STARD13: variants seen among roughly 807,000 people sequenced by gnomAD.
STARD13 encodes the protein stAR-related lipid transfer protein 13.
A neutral mutation model predicts 106.4 loss-of-function variants in STARD13; 62 were observed. That is an observed-to-expected ratio of 0.58 (90% CI 0.48 to 0.72). STARD13 has a LOEUF of 0.72. STARD13 is among the 30% of genes least tolerant of loss of function. STARD13 has a pLI of 0.00. For synonymous variants in STARD13, 565 were observed against 553.0 expected, an observed-to-expected ratio of 1.02 and a Z score of -0.31; for missense variants, 1,387 against 1,424.0, an observed-to-expected ratio of 0.97 and a Z score of 0.42.
intron 1 of STARD13, among the ~76,000 whole-genome samples, chr13:33,219,877 C>T (rs1888260880): frequency 1.3e-5 from 2 of 150,636 alleles, no homozygotes; most frequent in Admixed American, 6.6e-5. Flanking sequence ...AAATAGACAA[C>T]TGCAGATTCC....
chr13:33,265,585 A>C (rs572556303), intron 1 of STARD13, among the ~76,000 whole-genome samples: 31 of 152,332 alleles, frequency 2.0e-4, no homozygotes, highest in Admixed American at 7.8e-4. Context: ...GAATTATAAA[A>C]TATGAAATAG....
At chr13:33,163,671 C>CAT (rs534049397) in intron 3 of STARD13, among the ~76,000 whole-genome samples, 2,880 of 62,670 alleles carry the variant, frequency 0.046, 109 homozygotes, top group African/African-American at 0.15. Context: ...ATATATATAA[C>CAT]ATATATATAA....
the STARD13 span, among the ~76,000 whole-genome samples, chr13:33,430,649 G>A: frequency 5.3e-5 from 8 of 152,260 alleles, no homozygotes; most frequent in Non-Finnish European, 7.4e-5. Context: ...CACTATTCAC[G>A]TAGCCAAAAT....
chr13:33,300,795 G>A (rs571744821), intron 1 of STARD13, among the ~76,000 whole-genome samples: 10 of 152,302 alleles, frequency 6.6e-5, no homozygotes, highest in Admixed American at 6.5e-4. Context: ...AGGGCCCGCA[G>A]GTCCCTAATC....
At chr13:33,602,000 A>ACT in the STARD13 span, among the ~76,000 whole-genome samples, 1 of 152,088 alleles carries the variant, frequency 6.6e-6, no homozygotes, top group East Asian at 1.9e-4. Flanking sequence ...GCATTTGGGA[A>ACT]CTTGTTCCTG....
At chr13:33,108,075 C>T (rs758527033) in intron 12 of STARD13, among the ~76,000 whole-genome samples, 6 of 152,190 alleles carry the variant, frequency 3.9e-5, no homozygotes, top group East Asian at 1.9e-4. Context: ...TAAATCGTGA[C>T]GACTGAAAGT....
At chr13:33,177,870 G>T (rs1566052411) in intron 1 of STARD13, among the ~76,000 whole-genome samples, 4 of 11,658 alleles carry the variant, frequency 3.4e-4, no homozygotes, top group African/African-American at 2.7e-3. Context: ...AGGAAGGAAG[G>T]AAGGAAAGGA....
At chr13:33,337,992 T>C (rs1419189028) in intron 1 of STARD13, among the ~76,000 whole-genome samples, 2 of 152,214 alleles carry the variant, frequency 1.3e-5, no homozygotes, top group Non-Finnish European at 2.9e-5. Flanking sequence ...CGGGGTGTAG[T>C]GCAAAGACTG....
chr13:33,207,153 G>A (rs1432308803), intron 1 of STARD13, among the ~76,000 whole-genome samples: 2 of 152,214 alleles, frequency 1.3e-5, no homozygotes, highest in East Asian at 1.9e-4. Flanking sequence ...AAGGATTCCG[G>A]GAGTAAGGTG....
chr13:33,116,933 T>A (rs544951402), intron 8 of STARD13, among the ~76,000 whole-genome samples: 4 of 152,224 alleles, frequency 2.6e-5, no homozygotes, highest in Non-Finnish European at 5.9e-5. Context: ...AGCATGGATA[T>A]TCTTCAAATT....
intron 4 of STARD13, among the ~76,000 whole-genome samples, chr13:33,136,867 AGCTGCAGCCCTCCTTTT>A (rs1323524844): frequency 4.6e-5 from 7 of 152,358 alleles, no homozygotes; most frequent in Admixed American, 4.6e-4. Context: ...AGGGGTTGTA[AGCTGCAGCCCTCCTTTT>A]GCTGGCGCCA....
At chr13:33,298,405 G>A (rs1892584692) in intron 1 of STARD13, among the ~76,000 whole-genome samples, 2 of 150,832 alleles carry the variant, frequency 1.3e-5, no homozygotes, top group Admixed American at 1.3e-4. Context: ...CCAAAGTGCT[G>A]GGATTACAGG....
the STARD13 span, among the ~76,000 whole-genome samples, chr13:33,648,129 A>G: frequency 3.8e-3 from 576 of 152,330 alleles, 6 homozygotes; most frequent in African/African-American, 0.013. Context: ...CATGACAAAC[A>G]AGTACATTAT....
At chr13:33,126,345 A>G (rs1877171854) in intron 6 of STARD13, 105 bp from the exon 7 acceptor site, 5 of 1,069,852 alleles carry the variant, frequency 4.7e-6, no homozygotes, top group Non-Finnish European at 7.0e-6. Context: ...GGAATACCCA[A>G]CAGATGCGGG....
the STARD13 span, among the ~76,000 whole-genome samples, chr13:33,377,640 C>T: frequency 3.3e-5 from 5 of 151,226 alleles, no homozygotes; most frequent in African/African-American, 1.2e-4. Context: ...CACACAACCA[C>T]GCAAGCTCCA....
the STARD13 span, among the ~76,000 whole-genome samples, chr13:33,544,644 T>A: frequency 6.6e-6 from 1 of 152,160 alleles, no homozygotes; most frequent in Non-Finnish European, 1.5e-5. Context: ...AAAAAAAAGA[T>A]TGAGAACAAC....
chr13:33,186,210 T>A, intron 1 of STARD13: 1 of 630,548 alleles, frequency 1.6e-6, no homozygotes, highest in South Asian at 2.4e-5. Flanking sequence ...AAGATTTGCA[T>A]CACAGCCTTA....
At chr13:33,428,207 C>T in the STARD13 span, among the ~76,000 whole-genome samples, 1 of 152,004 alleles carries the variant, frequency 6.6e-6, no homozygotes, top group African/African-American at 2.4e-5. Flanking sequence ...AATGTAAGAC[C>T]CAAAACAACA....
chr13:33,154,428 G>T (rs1193340970), intron 3 of STARD13, among the ~76,000 whole-genome samples: 1 of 152,214 alleles, frequency 6.6e-6, no homozygotes, highest in Non-Finnish European at 1.5e-5. Flanking sequence ...GCTATACAAA[G>T]AAAATTAAGT....
Sources: allele counts gnomAD v4.1 joint callset (sites outside exome capture counted in the v4.1 genomes callset), GRCh38; gene constraint gnomAD v4.1.1; transcripts MANE v1.5; gene names NCBI Gene and HGNC (gene_info 2026-07-23, HGNC 2026-07-21).